PYGB: variants seen among roughly 807,000 people sequenced by gnomAD.
The protein encoded by PYGB is glycogen phosphorylase B.
In PYGB, 82 loss-of-function variants were observed where a neutral mutation model predicts 94.3. The ratio of observed to expected loss-of-function variants is 0.87; its 90% CI spans 0.73 to 1.04. The LOEUF (loss-of-function observed/expected upper bound fraction) is 1.04. PYGB is among the 50% of genes least tolerant of loss of function. PYGB has a pLI of 0.00. For missense variants in PYGB, 1,132 were observed against 1,158.2 expected, an observed-to-expected ratio of 0.98 and a Z score of 0.33; for synonymous variants, 488 against 479.1, an observed-to-expected ratio of 1.02 and a Z score of -0.24.
In PYGB at chr20:25,296,368, A is replaced by G; in HGVS notation, c.2380-2A>G. The G allele has an allele frequency of 6.2e-7, 1 of 1,614,060 alleles. No homozygotes were observed. On this transcript the variant is annotated splice_acceptor_variant, in intron 19 of 19. Coordinates refer to ENST00000216962, the MANE Select transcript of PYGB (RefSeq NM_002862.4). LOFTEE classifies it high-confidence loss of function. Reference sequence around the variant, plus strand: ...AGACTAATTTCATCTCCTTCCCTGCAGAACCCCAAGGAGTGGACCAAGAAG... The same window carrying G: ...AGACTAATTTCATCTCCTTCCCTGCGGAACCCCAAGGAGTGGACCAAGAAG...
intron 11 of PYGB, 92 bp from the exon 12 acceptor site, chr20:25,281,941 C>T: frequency 9.1e-7 from 1 of 1,101,606 alleles, no homozygotes. Context: ...CTTGAGGGCT[C>T]CTGGGACCTC....
rs1278140296 is a variant in PYGB, at chr20:25,270,193, TTTG to T, written c.424+989_424+991del. Among the ~76,000 whole-genome samples, 30 of 120,536 alleles carry T rather than the reference TTTG, an allele frequency of 2.5e-4. 3 individuals carry two copies. Among genetic ancestry groups the T allele is most frequent in the South Asian group, 1.5e-3 (6 of 4,132 alleles). The allele number at this position is 120,536 out of a possible 152,430, so 79.1% of individuals were successfully genotyped here. ...TGATTTTTTTAATCCTGAAGTTTTT[TTTG>T]TTTTGTTTTGTTTTTTTTTTTTTTG... On this transcript the variant is annotated intron_variant, in intron 3 of 19. Coordinates refer to ENST00000216962, the MANE Select transcript of PYGB (RefSeq NM_002862.4).
At chr20:25,287,845 G>C (rs544641574) in intron 14 of PYGB, among the ~76,000 whole-genome samples, 1 of 152,300 alleles carries the variant, frequency 6.6e-6, no homozygotes, top group South Asian at 2.1e-4. Context: ...GCTGGGCGCA[G>C]TGGCACGTGC....
At chr20:25,271,527 T>C in intron 4 of PYGB, 41 bp downstream of exon 4, 1 of 1,572,566 alleles carries the variant, frequency 6.4e-7, no homozygotes, top group Non-Finnish European at 8.8e-7. Context: ...CCAGCTCTCG[T>C]TCACACAATA....
At chr20:25,273,638 CA>C (rs1347522373) in intron 4 of PYGB, among the ~76,000 whole-genome samples, 4 of 152,162 alleles carry the variant, frequency 2.6e-5, no homozygotes, top group Admixed American at 2.0e-4. Context: ...CTCGAATCTG[CA>C]GGGCCGCTTT....
chr20:25,281,130 C>A lies in PYGB; in HGVS notation c.1403+18C>A. The A allele has an allele frequency of 6.2e-7, 1 of 1,613,226 alleles. No individual in the cohort carries two copies. The highest frequency in any genetic ancestry group is 1.1e-5 in the South Asian group (1 of 90,970). On this transcript the variant is annotated intron_variant, in intron 11 of 19. Coordinates refer to ENST00000216962, the MANE Select transcript of PYGB (RefSeq NM_002862.4). ...CAGTCGGTGTGAGTGGGGCGCTTGCCCGAGCGGGGCCAGCTCTGTCTGACA... is the reference window on the plus strand; with the variant it reads ...CAGTCGGTGTGAGTGGGGCGCTTGCACGAGCGGGGCCAGCTCTGTCTGACA...
intron 8 of PYGB, among the ~76,000 whole-genome samples, 173 bp from the exon 9 acceptor site, chr20:25,278,884 C>G (rs1233014365): frequency 6.6e-6 from 1 of 151,000 alleles, no homozygotes; most frequent in Non-Finnish European, 1.5e-5. Flanking sequence ...TGCCACAGTG[C>G]GAGCCCGACT....
intron 5 of PYGB, among the ~76,000 whole-genome samples, chr20:25,275,251 C>G (rs2088300785): frequency 6.6e-6 from 1 of 152,240 alleles, no homozygotes; most frequent in Non-Finnish European, 1.5e-5. Context: ...GGGCCAGGCC[C>G]TCCTGCCCAG....
intron 1 of PYGB, among the ~76,000 whole-genome samples, chr20:25,252,100 C>T (rs1337163318): frequency 6.6e-6 from 1 of 152,242 alleles, no homozygotes; most frequent in South Asian, 2.1e-4. Context: ...GCTTGCATCT[C>T]CTGGGCAGGC....
At chr20:25,283,778 TGTA>T (rs2088391246) in intron 13 of PYGB, among the ~76,000 whole-genome samples, 1 of 152,188 alleles carries the variant, frequency 6.6e-6, no homozygotes, top group Non-Finnish European at 1.5e-5. Flanking sequence ...TAGTTCTCCT[TGTA>T]GTCCTTTCAG....
At chr20:25,288,148 G>C (rs2088433823) in intron 14 of PYGB, 1 of 579,746 alleles carries the variant, frequency 1.7e-6, no homozygotes, top group Non-Finnish European at 3.1e-6. Context: ...TCAGCTGCTG[G>C]GTTCGTCCAT....
chr20:25,291,274 A>T (rs562295248), intron 16 of PYGB, among the ~76,000 whole-genome samples: 11 of 152,228 alleles, frequency 7.2e-5, no homozygotes, highest in Admixed American at 3.9e-4. Flanking sequence ...CCTGGAGCCC[A>T]TCAGTTCCCA....
intron 2 of PYGB, among the ~76,000 whole-genome samples, chr20:25,264,963 C>T (rs546767992): frequency 3.9e-5 from 6 of 152,280 alleles, no homozygotes; most frequent in South Asian, 2.1e-4. Context: ...GAGCCCGCAT[C>T]GCCAAGACAA....
intron 17 of PYGB, 61 bp downstream of exon 17, chr20:25,292,674 C>G (rs969710829): frequency 5.8e-6 from 9 of 1,553,756 alleles, no homozygotes; most frequent in African/African-American, 1.4e-5. Flanking sequence ...GGGTGTTGGG[C>G]TGGGGGCATT....
At position 25,280,181 on chromosome 20, in the gene PYGB, C is replaced by A. The variant is rs2088352687; in HGVS notation, c.1093-85C>A. ...GGGGTACCCAGCATCTGCCTGGGATCCTGGACGCTCACCCTGCCTAGGCAA... is the reference window on the plus strand; with the variant it reads ...GGGGTACCCAGCATCTGCCTGGGATACTGGACGCTCACCCTGCCTAGGCAA... On this transcript the variant is annotated intron_variant, in intron 9 of 19. Coordinates refer to ENST00000216962, the MANE Select transcript of PYGB (RefSeq NM_002862.4). 6.0e-6 allele frequency: 9 copies of A among 1,505,762 alleles called. No homozygotes were observed. The South Asian group carries it at 6.1e-5, about 10-fold the overall frequency. 93.3% of individuals were successfully genotyped at this position (1,505,762 alleles called of 1,614,324 possible).
chr20:25,290,813 C>T (rs996144461), intron 16 of PYGB, among the ~76,000 whole-genome samples, 191 bp downstream of exon 16: 2 of 152,184 alleles, frequency 1.3e-5, no homozygotes, highest in African/African-American at 2.4e-5. Context: ...ACTCACAGTG[C>T]GTCCCGGGGC....
At position 25,296,354 on chromosome 20, in the gene PYGB, A is replaced by G. The variant is rs764644705; in HGVS notation, c.2380-16A>G. ...CCCTGTGACGCCAGAGACTAATTTC[A>G]TCTCCTTCCCTGCAGAACCCCAAGG... On this transcript the variant is annotated splice_polypyrimidine_tract_variant and intron_variant, in intron 19 of 19. Coordinates refer to ENST00000216962, the MANE Select transcript of PYGB (RefSeq NM_002862.4). 55 of 1,613,700 alleles carry G rather than the reference A, an allele frequency of 3.4e-5. No individual in the cohort carries two copies. The highest frequency in any genetic ancestry group is 5.3e-5 in the African/African-American group (4 of 74,890).
intron 11 of PYGB, among the ~76,000 whole-genome samples, chr20:25,281,701 C>T (rs2088368941): frequency 1.3e-5 from 2 of 152,208 alleles, no homozygotes; most frequent in African/African-American, 4.8e-5. Flanking sequence ...AGCGCAGCTT[C>T]TCAAGCCCTG....
At chr20:25,271,346 C>T (rs768895640) in intron 3 of PYGB, 37 bp from the exon 4 acceptor site, 2 of 1,597,464 alleles carry the variant, frequency 1.3e-6, no homozygotes, top group African/African-American at 1.3e-5. Context: ...TGGTGCCGTG[C>T]CTTTGATTCT....
Sources: allele counts gnomAD v4.1 joint callset (sites outside exome capture counted in the v4.1 genomes callset), GRCh38; gene constraint gnomAD v4.1.1; transcripts MANE v1.5; gene names NCBI Gene and HGNC (gene_info 2026-07-23, HGNC 2026-07-21).